Variants in CHID1 observed in about 807,000 individuals in gnomAD.
The protein encoded by CHID1 is chitinase domain containing 1.
A neutral mutation model predicts 55.4 loss-of-function variants in CHID1; 44 were observed. The observed-to-expected ratio is 0.79, with a 90% CI of 0.62 to 1.02. The LOEUF is 1.02. CHID1 is among the 50% of genes least tolerant of loss of function. The pLI is 0.00. For synonymous variants in CHID1, 216 were observed against 212.9 expected (o/e 1.01, Z -0.13); for missense variants, 491 against 515.3 (o/e 0.95, Z 0.46).
chr11:893,568 T>TGA, intron 7 of CHID1, 49 bp from the exon 8 acceptor site: 1 of 1,419,044 alleles, frequency 7.0e-7, no homozygotes, highest in Non-Finnish European at 9.6e-7. Context: ...CTGAGGCCTC[T>TGA]CCCAGGGTTC....
intron 8 of CHID1, among the ~76,000 whole-genome samples, chr11:886,863 T>G (rs1850444916): frequency 6.6e-6 from 1 of 152,220 alleles, no homozygotes; most frequent in African/African-American, 2.4e-5. Flanking sequence ...TGGCTGCTCC[T>G]GAGCCATGAT....
At chr11:899,767 T>C (rs912327361) in intron 6 of CHID1, among the ~76,000 whole-genome samples, 1 of 152,232 alleles carries the variant, frequency 6.6e-6, no homozygotes, top group Admixed American at 6.5e-5. Flanking sequence ...GGAAGAACCC[T>C]GGCCCAGCAG....
intron 7 of CHID1, among the ~76,000 whole-genome samples, chr11:898,545 G>A (rs1851560091): frequency 6.6e-6 from 1 of 152,238 alleles, no homozygotes; most frequent in Non-Finnish European, 1.5e-5. Context: ...ACATCCTGGG[G>A]AGCAGTACTG....
intron 5 of CHID1, 107 bp downstream of exon 5, chr11:900,829 C>T: frequency 5.4e-6 from 5 of 917,578 alleles, no homozygotes; most frequent in Non-Finnish European, 6.5e-6. Context: ...ACCTGTGCCG[C>T]AGCAGCACAG....
chr11:901,097 G>T, intron 4 of CHID1, 117 bp from the exon 5 acceptor site: 1 of 917,446 alleles, frequency 1.1e-6, no homozygotes, highest in South Asian at 1.8e-5. Context: ...GGCAGGGGCG[G>T]GCAGGCAGGT....
chr11:888,454 G>A (rs926735397), intron 8 of CHID1, among the ~76,000 whole-genome samples: 4 of 152,212 alleles, frequency 2.6e-5, no homozygotes, highest in East Asian at 3.9e-4. Flanking sequence ...AGACACATGC[G>A]AGAGCCGGCA....
At chr11:897,783 C>T (rs531317730) in intron 7 of CHID1, among the ~76,000 whole-genome samples, 71 of 152,318 alleles carry the variant, frequency 4.7e-4, no homozygotes, top group Admixed American at 7.8e-4. Context: ...CTGAGGGGTG[C>T]TGGCTGAGGG....
chr11:886,930 G>T (rs764892429), intron 8 of CHID1, among the ~76,000 whole-genome samples: 7 of 152,208 alleles, frequency 4.6e-5, no homozygotes, highest in African/African-American at 7.2e-5. Context: ...AGCATCTCCT[G>T]GCCTGCCCAT....
intron 8 of CHID1, among the ~76,000 whole-genome samples, chr11:887,935 C>T (rs1247285151): frequency 6.6e-6 from 1 of 152,232 alleles, no homozygotes; most frequent in Admixed American, 6.5e-5. Context: ...TGGTTCCCAC[C>T]AGCTACAGAA....
chr11:880,477 C>T (rs575978564), intron 10 of CHID1, among the ~76,000 whole-genome samples: 185 of 152,308 alleles, frequency 1.2e-3, no homozygotes, highest in Non-Finnish European at 1.8e-3. Flanking sequence ...GGGGGAAAGC[C>T]TCCCTAAGGG....
chr11:905,043 G>C (rs1020901446), intron 1 of CHID1, among the ~76,000 whole-genome samples, 184 bp from the exon 2 acceptor site: 4 of 152,180 alleles, frequency 2.6e-5, no homozygotes, highest in African/African-American at 9.7e-5. Context: ...CTATTCTCCA[G>C]TACTCCTGGG....
In CHID1 at chr11:900,114, C is replaced by T; in HGVS notation, c.440-4G>A. 2 of 1,609,884 alleles carry T rather than the reference C, an allele frequency of 1.2e-6. No individual in the cohort carries two copies. The highest frequency in any genetic ancestry group is 8.5e-7 in the Non-Finnish European group (1 of 1,176,642). ...TCCTCAAACAGGAGCCGAGGCACTGCAGGGGCAACAGACACACACGGGGGC... is the reference window on the plus strand; with the variant it reads ...TCCTCAAACAGGAGCCGAGGCACTGTAGGGGCAACAGACACACACGGGGGC... On this transcript the variant is annotated splice_region_variant and splice_polypyrimidine_tract_variant and intron_variant, in intron 5 of 12. Coordinates refer to ENST00000323578, the MANE Select transcript of CHID1 (RefSeq NM_023947.4).
chr11:874,189 T>C (rs28405253), intron 10 of CHID1, among the ~76,000 whole-genome samples: 151,019 of 152,290 alleles, frequency 0.99, 74,896 homozygotes, highest in Middle Eastern at 1. Context: ...GGGCCGGGCG[T>C]GGTGGCTCAC....
intron 10 of CHID1, among the ~76,000 whole-genome samples, chr11:876,774 C>T (rs967546549): frequency 6.6e-6 from 1 of 152,222 alleles, no homozygotes; most frequent in Non-Finnish European, 1.5e-5. Flanking sequence ...TCCAGCCTTG[C>T]GGGAGGTGGC....
rs143153872 is a variant in CHID1 at position 902,267 on chromosome 11, C to T, written c.325G>A (p.Val109Ile). ...FGSKFTQISP[V>I]WLQLKRRGRE... Reference sequence around the variant, plus strand: ...CCACGTCTCTTCAGCTGCAGCCAGACGGGTGAGATCTGTGTGAACTTGCTC... The same window carrying T: ...CCACGTCTCTTCAGCTGCAGCCAGATGGGTGAGATCTGTGTGAACTTGCTC... Residue 109 changes from valine (V) to isoleucine (I), a missense_variant, in exon 4 of 13, where the codon GTC becomes ATC. Val to Ile is a conservative substitution (Grantham distance 29, BLOSUM62 3). Transcript: ENST00000323578. 102 of 1,613,822 alleles carry T rather than the reference C, an allele frequency of 6.3e-5. No individual in the cohort carries two copies. Among genetic ancestry groups the T allele is most frequent in the Non-Finnish European group, 8.5e-5 (100 of 1,179,992 alleles).
upstream of CHID1, chr11:910,890 G>C (rs1852630388): frequency 1.2e-5 from 12 of 1,030,436 alleles, no homozygotes; most frequent in South Asian, 1.8e-4. Flanking sequence ...CGCTGGGATG[G>C]AGAGGGGCTG....
intron 1 of CHID1, among the ~76,000 whole-genome samples, chr11:906,314 C>T (rs778206112): frequency 6.6e-6 from 1 of 151,462 alleles, no homozygotes; most frequent in African/African-American, 2.4e-5. Flanking sequence ...TCTTGGCTCA[C>T]TGCAACCTCC....
chr11:907,794 G>A (rs1000661001), intron 1 of CHID1, among the ~76,000 whole-genome samples: 2 of 152,168 alleles, frequency 1.3e-5, no homozygotes, highest in African/African-American at 4.8e-5. Context: ...TGGGAGCTCA[G>A]GCCCAAGAGG....
chr11:873,143 G>A (rs992372634), intron 10 of CHID1, among the ~76,000 whole-genome samples: 1 of 152,154 alleles, frequency 6.6e-6, no homozygotes, highest in Non-Finnish European at 1.5e-5. Flanking sequence ...CCCAGGGAGG[G>A]TCTGAGAGTC....
Sources: allele counts gnomAD v4.1 joint callset (sites outside exome capture counted in the v4.1 genomes callset), GRCh38; gene constraint gnomAD v4.1.1; transcripts MANE v1.5; gene names NCBI Gene and HGNC (gene_info 2026-07-23, HGNC 2026-07-21).